The following CASP4 variants were observed in gnomAD, a reference collection of about 807,000 sequenced individuals.
CASP4 encodes caspase 4.
Under a neutral mutation model 41.3 loss-of-function variants are expected in CASP4, and 29 were observed. The ratio of observed to expected loss-of-function variants is 0.70; its 90% CI spans 0.52 to 0.96. CASP4 has a LOEUF of 0.96. Among genes scored for constraint, CASP4 ranks in the 40% least tolerant of loss-of-function variants. CASP4 has a pLI of 0.00. For missense variants in CASP4, 447 were observed against 460.6 expected, an observed-to-expected ratio of 0.97 and a Z score of 0.27; for synonymous variants, 185 against 158.4, an observed-to-expected ratio of 1.17 and a Z score of -1.26.
intron 4 of CASP4, among the ~76,000 whole-genome samples, chr11:104,950,366 A>G (rs1860577317): frequency 6.6e-6 from 1 of 152,016 alleles, no homozygotes; most frequent in African/African-American, 2.4e-5. Flanking sequence ...ATTCTGTCTC[A>G]TATTTCCTTT....
chr11:104,962,527 CT>C (rs1406168971), intron 1 of CASP4, among the ~76,000 whole-genome samples: 2 of 152,146 alleles, frequency 1.3e-5, no homozygotes, highest in Non-Finnish European at 2.9e-5. Flanking sequence ...TTTAGGACCC[CT>C]ATAAGCCTGC....
Position 104,950,816 on chromosome 11 carries a change from A to ACACACACC in CASP4, c.546+101_546+108dup, listed in dbSNP as rs1347934190. 94 of 953,522 alleles carry ACACACACC rather than the reference A, an allele frequency of 9.9e-5. 1 individual carries two copies. In the Middle Eastern group the frequency reaches 1.0e-3, roughly 10 times the overall value. The allele number at this position is 953,522 out of a possible 1,614,324, so 59.1% of individuals were successfully genotyped here. A position where few individuals can be genotyped will look rare whatever the true frequency, so the allele number is the denominator to read the frequency against. On this transcript the variant is annotated intron_variant, in intron 4 of 8. Coordinates refer to ENST00000444739, the MANE Select transcript of CASP4 (RefSeq NM_001225.4). ...TTTGTATACACACACACACACACAC[A>ACACACACC]CACACACCCAAAGGTTGTTAAACCT...
intron 1 of CASP4, among the ~76,000 whole-genome samples, chr11:104,967,343 A>G (rs1202188358): frequency 6.6e-6 from 1 of 152,234 alleles, no homozygotes; most frequent in Non-Finnish European, 1.5e-5. Context: ...AGGAGTAAAG[A>G]AACAACAACA....
chr11:104,966,387 G>C (rs1376808090), intron 1 of CASP4, among the ~76,000 whole-genome samples: 1 of 152,214 alleles, frequency 6.6e-6, no homozygotes, highest in African/African-American at 2.4e-5. Context: ...CACTTTGGCA[G>C]CATGTCTGTA....
At chr11:104,968,074 T>G (rs1861015082) in intron 1 of CASP4, among the ~76,000 whole-genome samples, 1 of 151,962 alleles carries the variant, frequency 6.6e-6, no homozygotes. Context: ...TTGAATCACT[T>G]TAAACAGACC....
Position 104,961,463 on chromosome 11 carries a change from G to A in CASP4, c.8-6462C>T, listed in dbSNP as rs546627238. Among the ~76,000 whole-genome samples, 11 of 151,690 alleles carry A rather than the reference G, an allele frequency of 7.3e-5. No individual in the cohort carries two copies. The South Asian group carries it at 2.1e-3, about 29-fold the overall frequency. On this transcript the variant is annotated intron_variant, in intron 1 of 8. Coordinates refer to ENST00000444739, the MANE Select transcript of CASP4 (RefSeq NM_001225.4). ...CTGCTAATGCCTCCTTCCTTCTCTC[G>A]ACTTGTCTGTAGCTCTATGATGGGG...
intron 1 of CASP4, among the ~76,000 whole-genome samples, chr11:104,958,899 T>A (rs1486456122): frequency 3.0e-5 from 4 of 133,742 alleles, no homozygotes; most frequent in African/African-American, 1.1e-4. Flanking sequence ...AGGCGGAGGT[T>A]GCAGTGAGCC....
intron 1 of CASP4, among the ~76,000 whole-genome samples, chr11:104,965,050 T>G (rs1860942478): frequency 6.6e-6 from 1 of 152,202 alleles, no homozygotes; most frequent in South Asian, 2.1e-4. Context: ...AAATTATGCT[T>G]CAAAAGAAAA....
chr11:104,948,693 T>C lies in CASP4; in HGVS notation c.782-17A>G. 1.9e-6 allele frequency: 3 copies of C among 1,574,548 alleles called. No individual in the cohort carries two copies. Among genetic ancestry groups the C allele is most frequent in the Non-Finnish European group, 2.6e-6 (3 of 1,154,130 alleles). On this transcript the variant is annotated splice_polypyrimidine_tract_variant and intron_variant, in intron 5 of 8. Transcript: ENST00000444739. ...CACGGTTTGCTATGGAGACATTAAC[T>C]TTCTGCACACTGCTGTGCCTCCCAC...
At chr11:104,953,110 C>T (rs147453616) in intron 2 of CASP4, among the ~76,000 whole-genome samples, 2 of 152,272 alleles carry the variant, frequency 1.3e-5, no homozygotes, top group East Asian at 3.9e-4. Flanking sequence ...TTCTATCTTA[C>T]ATCCAATAAT....
intron 2 of CASP4, among the ~76,000 whole-genome samples, chr11:104,953,833 G>A (rs763739682): frequency 3.3e-5 from 5 of 151,992 alleles, no homozygotes; most frequent in Non-Finnish European, 7.4e-5. Context: ...TTCAATCTGG[G>A]TCAAAAGTTC....
At chr11:104,952,558 A>C (rs1194041182) in intron 2 of CASP4, among the ~76,000 whole-genome samples, 1 of 152,202 alleles carries the variant, frequency 6.6e-6, no homozygotes, top group Non-Finnish European at 1.5e-5. Context: ...AATGCTTAAT[A>C]GTTATCCCAT....
At chr11:104,966,269 G>A (rs538899103) in intron 1 of CASP4, among the ~76,000 whole-genome samples, 6 of 152,038 alleles carry the variant, frequency 3.9e-5, no homozygotes, top group Non-Finnish European at 8.8e-5. Context: ...GATGATAGTT[G>A]CATGTTGGAT....
At chr11:104,965,788 G>T (rs1860961148) in intron 1 of CASP4, among the ~76,000 whole-genome samples, 2 of 152,114 alleles carry the variant, frequency 1.3e-5, no homozygotes, top group Admixed American at 1.3e-4. Flanking sequence ...TCCTAGAATT[G>T]GAATGTCCCC....
Position 104,947,135 on chromosome 11 carries a change from GTGATGAGT to G in CASP4, c.975_982del (p.Gln325HisfsTer24). The G allele has an allele frequency of 6.2e-7, 1 of 1,613,108 alleles. No homozygotes were observed. The highest frequency in any genetic ancestry group is 1.7e-4 in the Middle Eastern group (1 of 6,054). ...GCACCAAGAATATTTCTGGAAGCAT[GTGATGAGT>G]TGTGTGATGAAGATAGAGCCCATTG... On this transcript the variant is annotated frameshift_variant, in exon 7 of 9. Coordinates refer to ENST00000444739, the MANE Select transcript of CASP4 (RefSeq NM_001225.4). LOFTEE classifies it high-confidence loss of function.
At chr11:104,960,965 A>G (rs1313693388) in intron 1 of CASP4, among the ~76,000 whole-genome samples, 1 of 152,250 alleles carries the variant, frequency 6.6e-6, no homozygotes, top group Non-Finnish European at 1.5e-5. Context: ...GTAGGAACAA[A>G]TGAATAAAAC....
At chr11:104,949,441 C>A in intron 5 of CASP4, 102 bp downstream of exon 5, 2 of 1,217,276 alleles carry the variant, frequency 1.6e-6, no homozygotes, top group South Asian at 1.3e-5. Flanking sequence ...ACTTTATTTA[C>A]ACTGGATGAG....
At chr11:104,949,452 G>A (rs1345156352) in intron 5 of CASP4, 91 bp downstream of exon 5, 1 of 1,331,878 alleles carries the variant, frequency 7.5e-7, no homozygotes, top group Non-Finnish European at 1.1e-6. Flanking sequence ...ACTGGATGAG[G>A]TTTAAGAATG....
At chr11:104,950,109 T>G (rs192663434) in intron 4 of CASP4, among the ~76,000 whole-genome samples, 1 of 152,284 alleles carries the variant, frequency 6.6e-6, no homozygotes, top group East Asian at 1.9e-4. Flanking sequence ...CCATGTTCTT[T>G]GTAAAATCCA....
Sources: gnomAD v4.1 joint callset for allele counts (sites outside exome capture counted in the v4.1 genomes callset) on GRCh38, gnomAD v4.1.1 for gene constraint, MANE v1.5 for transcripts, NCBI Gene and HGNC (gene_info 2026-07-23, HGNC 2026-07-21) for gene names.